FGF14: variants seen among roughly 807,000 people sequenced by gnomAD.
FGF14 encodes the protein fibroblast growth factor homologous factor 4.
FGF14 carries 5 observed loss-of-function variants against 25.5 expected under a neutral mutation model. The ratio of observed to expected loss-of-function variants is 0.20; its 90% CI spans 0.10 to 0.41. The LOEUF (loss-of-function observed/expected upper bound fraction) is 0.41, where lower values mean the gene tolerates loss of function less well. Ranked by LOEUF, FGF14 falls within the 10% of genes least tolerant of loss-of-function variation. The pLI, the probability that FGF14 is intolerant of heterozygous loss-of-function variation, is 1.00. For missense variants in FGF14, 222 were observed against 320.1 expected (o/e 0.69, Z 2.34); for synonymous variants, 138 against 118.3 (o/e 1.17, Z -1.08).
intron 1 of FGF14, among the ~76,000 whole-genome samples, chr13:102,278,573 AC>A: frequency 6.6e-6 from 1 of 151,890 alleles, no homozygotes; most frequent in East Asian, 1.9e-4. Flanking sequence ...TAGATGTGTG[AC>A]CCCAAAATGC....
intron 1 of FGF14, among the ~76,000 whole-genome samples, chr13:102,230,424 T>C (rs915252878): frequency 2.0e-5 from 3 of 152,194 alleles, no homozygotes; most frequent in African/African-American, 7.2e-5. Context: ...AAACAAACAC[T>C]GCAATTACAA....
chr13:102,137,373 G>A (rs1255884349), intron 1 of FGF14, among the ~76,000 whole-genome samples: 1 of 152,178 alleles, frequency 6.6e-6, no homozygotes, highest in Non-Finnish European at 1.5e-5. Flanking sequence ...AAAATTACTT[G>A]AGCAAAAGTA....
rs2043104603 is a variant in FGF14 at position 102,070,329 on chromosome 13, G to A, written c.209-195033C>T. ...GAAATGCAAATCAAAACTACAATGA[G>A]ATATCATCTCACTCTAGTTAAAATG... is the stretch of plus-strand genomic sequence containing the variant. On this transcript the variant is annotated intron_variant, in intron 1 of 4. Transcript: ENST00000376131. Among the ~76,000 whole-genome samples, 4 of 152,154 alleles carry A rather than the reference G, an allele frequency of 2.6e-5. No homozygotes were observed. In the South Asian group the frequency reaches 8.3e-4, roughly 31 times the overall value.
chr13:102,083,412 T>C (rs994545040), intron 1 of FGF14, among the ~76,000 whole-genome samples: 1 of 148,808 alleles, frequency 6.7e-6, no homozygotes, highest in Admixed American at 6.6e-5. Context: ...TAGTATCTCA[T>C]TAAGTGTTGG....
intron 1 of FGF14, chr13:102,401,435 T>C (rs751068928): frequency 1.9e-6 from 3 of 1,593,790 alleles, no homozygotes; most frequent in South Asian, 2.2e-5. Context: ...CAGGTTATTA[T>C]GAGGAAAAAC....
intron 3 of FGF14, among the ~76,000 whole-genome samples, chr13:101,775,763 T>TC: frequency 6.6e-6 from 1 of 152,226 alleles, no homozygotes; most frequent in East Asian, 1.9e-4. Flanking sequence ...GAGGCTGTGT[T>TC]CCCCCTGATG....
At chr13:102,083,433 A>T (rs4309256) in intron 1 of FGF14, among the ~76,000 whole-genome samples, 133,033 of 147,864 alleles carry the variant, frequency 0.9, 59,193 homozygotes, top group East Asian at 1. Context: ...GTTTTTTTTT[A>T]AAATTAACCC....
chr13:102,124,593 C>G (rs559796587), intron 1 of FGF14, among the ~76,000 whole-genome samples: 2 of 152,046 alleles, frequency 1.3e-5, no homozygotes, highest in Non-Finnish European at 1.5e-5. Flanking sequence ...AGTATGGATA[C>G]AGTTCTGGAA....
intron 1 of FGF14, among the ~76,000 whole-genome samples, chr13:102,158,806 A>G (rs760913363): frequency 2.0e-5 from 3 of 152,188 alleles, no homozygotes; most frequent in Non-Finnish European, 4.4e-5. Context: ...ACTATAAATT[A>G]TATAACAGGA....
intron 1 of FGF14, among the ~76,000 whole-genome samples, chr13:101,943,822 A>ATATATATATATATATATAT (rs1266549387): frequency 9.8e-5 from 12 of 122,452 alleles, no homozygotes; most frequent in African/African-American, 5.9e-4. Context: ...TAAAAAAAAA[A>ATATATATATATATATATAT]AAAAATATAT....
intron 1 of FGF14, among the ~76,000 whole-genome samples, chr13:102,183,816 G>A (rs914982852): frequency 6.6e-6 from 1 of 152,150 alleles, no homozygotes; most frequent in Non-Finnish European, 1.5e-5. Flanking sequence ...ATGTAATGGT[G>A]GGAAAATAGT....
In FGF14 at chr13:102,392,391, C is replaced by T. The variant is rs1348947492; in HGVS notation, c.208+9080G>A. ...CTATTGACAAAGAATTGTACATAATCGTTTAAAAAAATCATTTTGGCATAT... is the reference window on the plus strand; with the variant it reads ...CTATTGACAAAGAATTGTACATAATTGTTTAAAAAAATCATTTTGGCATAT... On this transcript the variant is annotated intron_variant, in intron 1 of 4. Transcript: ENST00000376131. 2.0e-5 allele frequency among the ~76,000 whole-genome samples: 3 copies of T among 152,094 alleles called. No individual in the cohort carries two copies. The East Asian group carries it at 5.8e-4, about 29-fold the overall frequency.
chr13:101,763,399 A>AT (rs1341999255), intron 3 of FGF14, among the ~76,000 whole-genome samples: 3 of 152,204 alleles, frequency 2.0e-5, no homozygotes, highest in Non-Finnish European at 2.9e-5. Flanking sequence ...AATGAACAGT[A>AT]TTTTAAGGAC....
intron 1 of FGF14, among the ~76,000 whole-genome samples, chr13:102,141,465 G>GT (rs2046641383): frequency 6.6e-6 from 1 of 152,164 alleles, no homozygotes; most frequent in South Asian, 2.1e-4. Flanking sequence ...ATTTAGAAGA[G>GT]TTTTTAAAAC....
intron 1 of FGF14, among the ~76,000 whole-genome samples, chr13:102,281,060 T>C (rs552024874): frequency 2.9e-4 from 44 of 152,322 alleles, no homozygotes; most frequent in African/African-American, 1.0e-3. Context: ...ATTACTTTCT[T>C]TTATTCCTTT....
At chr13:102,067,479 T>C (rs1434410000) in intron 1 of FGF14, among the ~76,000 whole-genome samples, 1 of 151,706 alleles carries the variant, frequency 6.6e-6, no homozygotes, top group Non-Finnish European at 1.5e-5. Context: ...AATTGGGTGA[T>C]TGCACAAAAA....
intron 1 of FGF14, among the ~76,000 whole-genome samples, chr13:101,967,221 T>C (rs2037266913): frequency 6.6e-6 from 1 of 152,216 alleles, no homozygotes; most frequent in Admixed American, 6.5e-5. Flanking sequence ...TCAAAGTGAC[T>C]TCTTCTGTTG....
At chr13:102,355,561 C>T (rs1349266110) in intron 1 of FGF14, among the ~76,000 whole-genome samples, 1 of 149,366 alleles carries the variant, frequency 6.7e-6, no homozygotes, top group African/African-American at 2.5e-5. Flanking sequence ...CTCCCCATCT[C>T]GTATGACACA....
intron 1 of FGF14, among the ~76,000 whole-genome samples, chr13:101,931,173 C>G (rs796277431): frequency 6.6e-6 from 1 of 152,142 alleles, no homozygotes; most frequent in East Asian, 1.9e-4. Context: ...CGTTGACCCA[C>G]CCAGGAGAGC....
Sources: allele counts gnomAD v4.1 joint callset (sites outside exome capture counted in the v4.1 genomes callset), GRCh38; gene constraint gnomAD v4.1.1; transcripts MANE v1.5; gene names NCBI Gene and HGNC (gene_info 2026-07-23, HGNC 2026-07-21).